Variants in SNX8 observed in about 807,000 individuals in gnomAD.
The protein encoded by SNX8 is sorting nexin-8.
A neutral mutation model predicts 51.6 loss-of-function variants in SNX8; 25 were observed. The observed-to-expected ratio is 0.48, with a 90% CI of 0.35 to 0.68. The LOEUF (loss-of-function observed/expected upper bound fraction) is 0.68, where lower values mean the gene tolerates loss of function less well. SNX8 is among the 30% of genes least tolerant of loss of function. The probability of loss-of-function intolerance (pLI) is 0.00; values close to 1 mark genes in which losing one functional copy is unlikely to be tolerated. For missense variants in SNX8, 695 were observed against 624.0 expected, an observed-to-expected ratio of 1.11 and a Z score of -1.21; for synonymous variants, 324 against 277.0, an observed-to-expected ratio of 1.17 and a Z score of -1.68.
At chr7:2,340,065 C>CT (rs748282709) in intron 1 of SNX8, among the ~76,000 whole-genome samples, 3,945 of 142,228 alleles carry the variant, frequency 0.028, 134 homozygotes, top group Admixed American at 0.07. Context: ...GGCTACAAAA[C>CT]TTTTTTTTTT....
chr7:2,256,448 G>C (rs983800488), intron 10 of SNX8, among the ~76,000 whole-genome samples: 1 of 152,268 alleles, frequency 6.6e-6, no homozygotes, highest in Non-Finnish European at 1.5e-5. Flanking sequence ...CCAGGACCTT[G>C]GGAGCGTTTC....
intron 1 of SNX8, among the ~76,000 whole-genome samples, chr7:2,286,493 C>T (rs1796031423): frequency 6.6e-6 from 1 of 151,450 alleles, no homozygotes; most frequent in Non-Finnish European, 1.5e-5. Flanking sequence ...GTGCATAAAG[C>T]TGTAATGTGC....
chr7:2,298,007 A>G (rs1326268216), intron 1 of SNX8, among the ~76,000 whole-genome samples: 2 of 151,954 alleles, frequency 1.3e-5, no homozygotes, highest in Non-Finnish European at 1.5e-5. Flanking sequence ...ATAACCAAAA[A>G]CCAGCCCTAA....
At chr7:2,269,377 G>T (rs976609072) in intron 5 of SNX8, among the ~76,000 whole-genome samples, 182 bp downstream of exon 5, 1 of 150,216 alleles carries the variant, frequency 6.7e-6, no homozygotes, top group South Asian at 2.1e-4. Context: ...CAAACACTGC[G>T]GAAGGCCGCA....
intron 1 of SNX8, among the ~76,000 whole-genome samples, chr7:2,338,765 T>A (rs1008105409): frequency 1.3e-5 from 2 of 152,084 alleles, no homozygotes; most frequent in Admixed American, 6.6e-5. Context: ...ATTTTTTGAT[T>A]CAAGAGCAAA....
intron 7 of SNX8, among the ~76,000 whole-genome samples, chr7:2,261,587 T>A (rs1795338009): frequency 6.6e-6 from 1 of 152,242 alleles, no homozygotes; most frequent in African/African-American, 2.4e-5. Context: ...TGAGGTCCTC[T>A]GTCTCTATCC....
intron 1 of SNX8, among the ~76,000 whole-genome samples, chr7:2,304,881 G>A (rs1257439616): frequency 6.6e-6 from 1 of 152,180 alleles, no homozygotes; most frequent in East Asian, 1.9e-4. Flanking sequence ...AGCCTGGACT[G>A]GAATTTCTCA....
At position 2,313,059 on chromosome 7, in the gene SNX8, G is replaced by A. The variant is rs1796689637; in HGVS notation, c.94+1269C>T. ...ACTACAGGCGCCCGCCACCGCGCCT[G>A]GCTAATTTTTTTTGTATTTTTAGTA... On this transcript the variant is annotated intron_variant, in intron 1 of 10. Coordinates refer to ENST00000222990, the MANE Select transcript of SNX8 (RefSeq NM_013321.4). Among the ~76,000 whole-genome samples, 4 of 151,984 alleles carry A rather than the reference G, an allele frequency of 2.6e-5. No homozygotes were observed. The South Asian group carries it at 8.3e-4, about 32-fold the overall frequency.
In SNX8 at chr7:2,256,931, G is replaced by C; in HGVS notation, c.1227C>G (p.Pro409=). ...QETQLIHVYL[P]LTSHILRAFV... is the part of the protein sequence containing the mutation. ...AGGCGCGGAGGATGTGGGAGGTGAG[G>C]GGCAGGTAGACGTGGATGAGCTGCG... Residue 409 remains proline, a synonymous_variant, in exon 10 of 11, where the codon CCC becomes CCG. Transcript: ENST00000222990. 6.2e-7 allele frequency: 1 copy of C among 1,613,708 alleles called. No individual in the cohort carries two copies. Among genetic ancestry groups the C allele is most frequent in the Non-Finnish European group, 8.5e-7 (1 of 1,179,872 alleles).
At chr7:2,256,085 C>A (rs1795171046) in intron 10 of SNX8, among the ~76,000 whole-genome samples, 1 of 152,202 alleles carries the variant, frequency 6.6e-6, no homozygotes, top group South Asian at 2.1e-4. Flanking sequence ...GAGGACACAC[C>A]CGGCCACTCA....
intron 1 of SNX8, among the ~76,000 whole-genome samples, chr7:2,312,703 C>T (rs1213337120): frequency 6.6e-6 from 1 of 152,094 alleles, no homozygotes; most frequent in African/African-American, 2.4e-5. Flanking sequence ...CAGTCATCAC[C>T]TCCTCAGCGA....
At chr7:2,317,166 C>G (rs962569411), upstream of SNX8, among the ~76,000 whole-genome samples, 1 of 145,194 alleles carries the variant, frequency 6.9e-6, no homozygotes, top group Non-Finnish European at 1.5e-5. Context: ...GTGGTCATTC[C>G]AGGCTAAAAG....
At chr7:2,296,584 T>G (rs1796277061) in intron 1 of SNX8, among the ~76,000 whole-genome samples, 1 of 152,006 alleles carries the variant, frequency 6.6e-6, no homozygotes, top group African/African-American at 2.4e-5. Flanking sequence ...CTTGCCTGAT[T>G]GCTATATAAA....
intron 5 of SNX8, among the ~76,000 whole-genome samples, chr7:2,266,221 G>C (rs1381399927): frequency 6.6e-6 from 1 of 152,132 alleles, no homozygotes; most frequent in South Asian, 2.1e-4. Context: ...GTCTCACTCT[G>C]TTACCCAGGC....
rs1183871133 is a variant in SNX8 at position 2,255,283 on chromosome 7, G to A, written c.1285-114C>T. 19 of 665,268 alleles carry A rather than the reference G, an allele frequency of 2.9e-5. 1 individual carries two copies. The highest frequency in any genetic ancestry group is 2.3e-4 in the South Asian group (12 of 52,456). The allele number at this position is 665,268 out of a possible 1,614,324, so 41.2% of individuals were successfully genotyped here. On this transcript the variant is annotated intron_variant, in intron 10 of 10. Coordinates refer to ENST00000222990, the MANE Select transcript of SNX8 (RefSeq NM_013321.4). Reference sequence around the variant, plus strand: ...CAGGGAGGGAGGGGCCCTCAGGTGCGCCAGCTCCTCAAACCTCTGGCAGAA... The same window carrying A: ...CAGGGAGGGAGGGGCCCTCAGGTGCACCAGCTCCTCAAACCTCTGGCAGAA...
rs139061456 is a variant in SNX8, at chr7:2,295,840, G to A, written c.95-17535C>T. Among the ~76,000 whole-genome samples, 123 of 152,190 alleles carry A rather than the reference G, an allele frequency of 8.1e-4. 1 individual carries two copies. The highest frequency in any genetic ancestry group is 2.3e-3 in the African/African-American group (94 of 41,526). On this transcript the variant is annotated intron_variant, in intron 1 of 10. Transcript: ENST00000222990. The stretch of plus-strand genomic sequence containing the variant: ...CCTAGCGCCACTTATTAACCAGGGC[G>A]TCCTTTCCCCAGTGATATGTTTTTG...
intron 1 of SNX8, among the ~76,000 whole-genome samples, chr7:2,313,046 C>T (rs769577551): frequency 6.8e-4 from 104 of 152,056 alleles, no homozygotes; most frequent in Non-Finnish European, 1.2e-3. Context: ...TACAGGCGCC[C>T]GCCACCGCGC....
At chr7:2,263,775 G>A (rs895853352) in intron 6 of SNX8, among the ~76,000 whole-genome samples, 21 of 152,072 alleles carry the variant, frequency 1.4e-4, no homozygotes, top group Non-Finnish European at 1.9e-4. Flanking sequence ...GTGCAGTGGC[G>A]CGATCTCGGC....
At chr7:2,328,728 G>C (rs572793451) in intron 1 of SNX8, among the ~76,000 whole-genome samples, 28 of 152,114 alleles carry the variant, frequency 1.8e-4, no homozygotes, top group African/African-American at 6.7e-4. Flanking sequence ...GAGGTGGGCA[G>C]ATCACAAGGT....
Sources: allele counts gnomAD v4.1 joint callset (sites outside exome capture counted in the v4.1 genomes callset), GRCh38; gene constraint gnomAD v4.1.1; transcripts MANE v1.5; gene names NCBI Gene and HGNC (gene_info 2026-07-23, HGNC 2026-07-21).